The following SULT2B1 variants were observed in gnomAD, a reference collection of about 807,000 sequenced individuals.
The protein encoded by SULT2B1 is sulfotransferase family 2B member 1.
Under a neutral mutation model 33.2 loss-of-function variants are expected in SULT2B1, and 16 were observed. That is an observed-to-expected ratio of 0.48 (90% CI 0.33 to 0.73). SULT2B1 has a LOEUF of 0.73. Ranked by LOEUF, SULT2B1 falls within the 30% of genes least tolerant of loss-of-function variation. SULT2B1 has a pLI of 0.02. For missense variants in SULT2B1, 500 were observed against 506.0 expected (o/e 0.99, Z 0.11); for synonymous variants, 186 against 200.5 (o/e 0.93, Z 0.61).
At chr19:48,588,522 AC>A (rs200981005) in intron 3 of SULT2B1, among the ~76,000 whole-genome samples, 31 of 147,932 alleles carry the variant, frequency 2.1e-4, no homozygotes, top group African/African-American at 7.7e-4. Context: ...CAAAAAAAAA[AC>A]CCCCATATAT....
intron 3 of SULT2B1, chr19:48,591,122 C>G (rs748268395): frequency 6.5e-6 from 1 of 153,092 alleles, no homozygotes; most frequent in African/African-American, 2.4e-5. Context: ...CATGAGCCAC[C>G]GCAGCTGGCC....
rs535198630 is a variant in SULT2B1 at position 48,552,989 on chromosome 19, C to G, written c.71+666C>G. Reference sequence around the variant, plus strand: ...AGGGAACGCGACATGACCGCAATTACGCAGCTAGAAGCAAATCTGAACCCG... The same window carrying G: ...AGGGAACGCGACATGACCGCAATTAGGCAGCTAGAAGCAAATCTGAACCCG... On this transcript the variant is annotated intron_variant, in intron 1 of 6. Transcript: ENST00000201586. This position sits in a 1 kb window ranked among gnomAD's most constrained non-coding sequence, Gnocchi z 4.8. Among the ~76,000 whole-genome samples the G allele has an allele frequency of 4.1e-4, 63 of 152,248 alleles. No homozygotes were observed. Among genetic ancestry groups the G allele is most frequent in the African/African-American group, 1.4e-3 (60 of 41,552 alleles).
chr19:48,597,930 G>A (rs1289576557), intron 6 of SULT2B1, among the ~76,000 whole-genome samples: 4 of 152,000 alleles, frequency 2.6e-5, no homozygotes, highest in Admixed American at 1.3e-4. Context: ...CACTGCGCCC[G>A]GCCAAGTGAA....
At chr19:48,592,526 A>G (rs146128080) in intron 4 of SULT2B1, among the ~76,000 whole-genome samples, 196 bp from the exon 5 acceptor site, 198 of 152,198 alleles carry the variant, frequency 1.3e-3, no homozygotes, top group African/African-American at 4.5e-3. Flanking sequence ...GCCCCCCAAG[A>G]TGGGCAACCA....
chr19:48,569,673 G>C (rs79359342), intron 1 of SULT2B1, among the ~76,000 whole-genome samples: 2 of 149,226 alleles, frequency 1.3e-5, no homozygotes, highest in Admixed American at 6.7e-5. Flanking sequence ...CTCAAGATTG[G>C]TTTTTTGTTC....
At chr19:48,576,354 C>CTTTTTTTTTTT (rs879507532) in intron 2 of SULT2B1, among the ~76,000 whole-genome samples, 2,579 of 79,500 alleles carry the variant, frequency 0.032, 413 homozygotes, top group South Asian at 0.038. Flanking sequence ...TTACCCTCTA[C>CTTTTTTTTTTT]TTCTCTTTTT....
At chr19:48,582,192 ACT>A (rs1351867151) in intron 2 of SULT2B1, among the ~76,000 whole-genome samples, 1 of 152,190 alleles carries the variant, frequency 6.6e-6, no homozygotes, top group Non-Finnish European at 1.5e-5. Context: ...GGCGTGAGCC[ACT>A]GTGACCAGCC....
At chr19:48,571,787 G>A (rs1278551762) in intron 1 of SULT2B1, among the ~76,000 whole-genome samples, 1 of 152,118 alleles carries the variant, frequency 6.6e-6, no homozygotes, top group Admixed American at 6.6e-5. Flanking sequence ...CAGAGCAGGG[G>A]AAGAGGGTGC....
chr19:48,585,110 G>T (rs1373128696), intron 2 of SULT2B1, among the ~76,000 whole-genome samples: 1 of 151,512 alleles, frequency 6.6e-6, no homozygotes, highest in Non-Finnish European at 1.5e-5. Context: ...AGAGGCTGAG[G>T]TGGGAGGATC....
intron 5 of SULT2B1, 40 bp downstream of exon 5, chr19:48,592,856 A>G: frequency 6.6e-7 from 1 of 1,511,952 alleles, no homozygotes; most frequent in Non-Finnish European, 9.0e-7. Flanking sequence ...TCCCCCCCAT[A>G]CCCTCTGCTC....
At chr19:48,561,578 G>A (rs1046101298) in intron 1 of SULT2B1, among the ~76,000 whole-genome samples, 22 of 152,144 alleles carry the variant, frequency 1.4e-4, no homozygotes, top group African/African-American at 3.1e-4. Context: ...GGCGACAGGC[G>A]TCGTGCAGGG....
chr19:48,575,988 C>T lies in SULT2B1; in HGVS notation c.119C>T (p.Pro40Leu). The stretch of plus-strand genomic sequence containing the variant: ...TTCCGGTACAAGGGCGTCCCCTTCC[C>T]CGTCGGCCTGTACTCGCTCGAGAGC... The part of the protein sequence containing the change: ...EYFRYKGVPF[P>L]VGLYSLESIS... The change falls in exon 2 of 7, where the codon CCC becomes CTC. Residue 40 changes from proline to leucine, a missense_variant. Transcript: ENST00000201586. 1 of 1,613,990 alleles carries T rather than the reference C, an allele frequency of 6.2e-7. No homozygotes were observed. The highest frequency in any genetic ancestry group is 1.1e-5 in the South Asian group (1 of 91,076).
chr19:48,581,245 T>A (rs1973483022), intron 2 of SULT2B1, among the ~76,000 whole-genome samples: 1 of 148,608 alleles, frequency 6.7e-6, no homozygotes, highest in African/African-American at 2.5e-5. Flanking sequence ...GGTTTCTCCA[T>A]GTTGGTCAGG....
rs182729315 is a variant in SULT2B1, at chr19:48,596,492, T to G, written c.646-247T>G. Reference sequence around the variant, plus strand: ...GCCCCCTGCTGTGACCTCTGCCCCCTGCTGTGACCTCTGCCCCAAGCCCAC... The same window carrying G: ...GCCCCCTGCTGTGACCTCTGCCCCCGGCTGTGACCTCTGCCCCAAGCCCAC... On this transcript the variant is annotated intron_variant, in intron 5 of 6. Transcript: ENST00000201586. 1,187 of 301,714 alleles carry G rather than the reference T, an allele frequency of 3.9e-3. 16 individuals carry two copies. The highest frequency in any genetic ancestry group is 0.018 in the African/African-American group (621 of 35,330). The allele number at this position is 301,714 out of a possible 1,614,324, so 18.7% of individuals were successfully genotyped here. A position where few individuals can be genotyped will look rare whatever the true frequency, so the allele number is the denominator to read the frequency against.
intron 2 of SULT2B1, among the ~76,000 whole-genome samples, chr19:48,581,546 C>T: frequency 7.0e-6 from 1 of 143,746 alleles, no homozygotes; most frequent in East Asian, 2.1e-4. Context: ...TCTCAGCTGC[C>T]TCCCAGGTTC....
chr19:48,572,899 G>A (rs1171486514), intron 1 of SULT2B1, among the ~76,000 whole-genome samples: 2 of 152,094 alleles, frequency 1.3e-5, no homozygotes, highest in Non-Finnish European at 2.9e-5. Context: ...GCTCATGCCT[G>A]GAATTCCAGC....
intron 3 of SULT2B1, among the ~76,000 whole-genome samples, chr19:48,589,000 A>G (rs1304142424): frequency 2.0e-5 from 3 of 152,192 alleles, no homozygotes; most frequent in Admixed American, 6.6e-5. Context: ...TGACCGAGTG[A>G]CGAGGCAGCG....
chr19:48,572,103 G>A (rs1428678756), intron 1 of SULT2B1, among the ~76,000 whole-genome samples: 1 of 152,114 alleles, frequency 6.6e-6, no homozygotes, highest in East Asian at 1.9e-4. Context: ...CCCTCCTGGT[G>A]CCAGGCCCTT....
At chr19:48,570,179 CTTTTT>C (rs149283040) in intron 1 of SULT2B1, among the ~76,000 whole-genome samples, 13 of 145,704 alleles carry the variant, frequency 8.9e-5, no homozygotes, top group African/African-American at 2.8e-4. Context: ...CCGGTTTGTT[CTTTTT>C]TTTTTTTTTT....
Sources: allele counts gnomAD v4.1 joint callset (sites outside exome capture counted in the v4.1 genomes callset), GRCh38; gene constraint gnomAD v4.1.1; non-coding constraint Gnocchi (gnomAD v3.1); transcripts MANE v1.5; gene names NCBI Gene and HGNC (gene_info 2026-07-23, HGNC 2026-07-21).